FBXO3: variants seen among roughly 807,000 people sequenced by gnomAD.
FBXO3 encodes F-box only protein 3.
FBXO3 carries 17 observed loss-of-function variants against 64.8 expected under a neutral mutation model. The observed-to-expected ratio is 0.26, with a 90% CI of 0.18 to 0.39. The LOEUF (loss-of-function observed/expected upper bound fraction) is 0.39, where lower values mean the gene tolerates loss of function less well. Ranked by LOEUF, FBXO3 falls within the 10% of genes least tolerant of loss-of-function variation. The pLI, the probability that FBXO3 is intolerant of heterozygous loss-of-function variation, is 1.00. For synonymous variants in FBXO3, 182 were observed against 201.6 expected, an observed-to-expected ratio of 0.90 and a Z score of 0.82; for missense variants, 420 against 589.9, an observed-to-expected ratio of 0.71 and a Z score of 2.98.
At chr11:33,769,860 T>TTG (rs1855469439) in intron 2 of FBXO3, among the ~76,000 whole-genome samples, 1 of 150,196 alleles carries the variant, frequency 6.7e-6, no homozygotes, top group Admixed American at 6.6e-5. Context: ...GTGGGTTTTT[T>TTG]TTTTTTTTTT....
intron 7 of FBXO3, among the ~76,000 whole-genome samples, chr11:33,750,953 C>T (rs888177271): frequency 1.3e-5 from 2 of 152,098 alleles, no homozygotes; most frequent in Non-Finnish European, 2.9e-5. Context: ...GTTTCCAGGG[C>T]TAAGGAAACT....
chr11:33,761,413 CT>C (rs1855238486), intron 3 of FBXO3, among the ~76,000 whole-genome samples: 1 of 152,122 alleles, frequency 6.6e-6, no homozygotes, highest in Non-Finnish European at 1.5e-5. Context: ...TGAAATGAGA[CT>C]TTAAGGCAAA....
intron 5 of FBXO3, 141 bp from the exon 6 acceptor site, chr11:33,754,641 A>G: frequency 1.6e-6 from 1 of 623,612 alleles, no homozygotes. Flanking sequence ...TTGTTATCCT[A>G]GAAGAAAGGG....
chr11:33,750,007 C>T (rs1230279239), intron 8 of FBXO3, among the ~76,000 whole-genome samples: 1 of 151,764 alleles, frequency 6.6e-6, no homozygotes, highest in Non-Finnish European at 1.5e-5. Flanking sequence ...TTTTAAAGCA[C>T]AGTATCCTTA....
intron 3 of FBXO3, among the ~76,000 whole-genome samples, chr11:33,763,447 A>C (rs1855289851): frequency 6.6e-6 from 1 of 152,176 alleles, no homozygotes; most frequent in Non-Finnish European, 1.5e-5. Flanking sequence ...AAGTTGGTTT[A>C]GCATTCAGAA....
intron 1 of FBXO3, chr11:33,771,493 T>C (rs1855510432): frequency 1.3e-5 from 2 of 152,212 alleles, no homozygotes; most frequent in African/African-American, 4.8e-5. Context: ...TGCAATCCTG[T>C]AAATTCTACC....
At chr11:33,751,051 A>G (rs1854943490) in intron 7 of FBXO3, among the ~76,000 whole-genome samples, 1 of 152,202 alleles carries the variant, frequency 6.6e-6, no homozygotes, top group Non-Finnish European at 1.5e-5. Flanking sequence ...CTGTTCTCAG[A>G]AGCCTCTAAT....
At chr11:33,757,515 TAA>T (rs35494216) in intron 4 of FBXO3, among the ~76,000 whole-genome samples, 6 of 97,352 alleles carry the variant, frequency 6.2e-5, no homozygotes, top group African/African-American at 1.4e-4. Flanking sequence ...AAACAAATCT[TAA>T]AAAAAAAAAA....
chr11:33,754,383 T>A (rs1855037483), intron 6 of FBXO3, 72 bp downstream of exon 6: 1 of 1,350,800 alleles, frequency 7.4e-7, no homozygotes, highest in Non-Finnish European at 1.0e-6. Flanking sequence ...TGAAAAAGTT[T>A]TTACCATTTT....
At chr11:33,758,379 C>T (rs115155107) in intron 4 of FBXO3, 108 bp downstream of exon 4, 836 of 663,162 alleles carry the variant, frequency 1.3e-3, no homozygotes, top group African/African-American at 3.6e-3. Flanking sequence ...AGAGGGAATT[C>T]CCATGCTTCT....
chr11:33,752,054 A>G (rs1352057213), intron 6 of FBXO3, among the ~76,000 whole-genome samples: 1 of 152,194 alleles, frequency 6.6e-6, no homozygotes, highest in Non-Finnish European at 1.5e-5. Context: ...CAAGCACAAA[A>G]TTTTGGCAGA....
chr11:33,770,506 A>G (rs1855485152), intron 2 of FBXO3, among the ~76,000 whole-genome samples: 1 of 152,240 alleles, frequency 6.6e-6, no homozygotes, highest in South Asian at 2.1e-4. Context: ...GGGAGTTAGG[A>G]GCATGCAGAT....
intron 4 of FBXO3, among the ~76,000 whole-genome samples, chr11:33,757,678 A>AAAAAAAAAAAAAAAC (rs1251528490): frequency 7.0e-6 from 1 of 143,166 alleles, no homozygotes; most frequent in Non-Finnish European, 1.5e-5. Flanking sequence ...AAAAAAAAAA[A>AAAAAAAAAAAAAAAC]AAAGTCTGGG....
intron 3 of FBXO3, among the ~76,000 whole-genome samples, chr11:33,759,364 A>C (rs923283849): frequency 6.6e-6 from 1 of 152,210 alleles, no homozygotes; most frequent in Non-Finnish European, 1.5e-5. Flanking sequence ...CAAGAAGCTG[A>C]GCAAAGCTTT....
chr11:33,757,194 T>C, intron 4 of FBXO3: 1 of 419,802 alleles, frequency 2.4e-6, no homozygotes, highest in Non-Finnish European at 4.7e-6. Flanking sequence ...TCTCCTTAAA[T>C]TCTTATTAGC....
In FBXO3 at chr11:33,770,796, A is replaced by G. The variant is rs751693175; in HGVS notation, c.139T>C (p.Ser47Pro). The G allele has an allele frequency of 2.4e-5, 38 of 1,610,618 alleles. No individual in the cohort carries two copies. The highest frequency in any genetic ancestry group is 3.2e-5 in the Non-Finnish European group (38 of 1,177,496). ...CTTCTCCACAGCGGATCATGACTTG[A>G]TAGCTGGCTAAGTCTTCGACTGACA... is the stretch of plus-strand genomic sequence containing the variant. ...CYVSRRLSQL[S>P]SHDPLWRRHC... Residue 47 changes from serine to proline, a missense_variant, in exon 2 of 11, where the codon TCA becomes CCA. Physicochemically the swap from Ser to Pro is moderately conservative, Grantham distance 74. Coordinates refer to ENST00000265651, the MANE Select transcript of FBXO3 (RefSeq NM_012175.4).
intron 9 of FBXO3, among the ~76,000 whole-genome samples, chr11:33,747,586 A>C (rs1206458345): frequency 1.3e-5 from 2 of 150,292 alleles, no homozygotes; most frequent in Non-Finnish European, 3.0e-5. Flanking sequence ...ATCTCAGCTC[A>C]CTGCAAACTC....
Position 33,767,971 on chromosome 11 carries a change from T to C in FBXO3, c.358+880A>G, listed in dbSNP as rs143377794. 1.7e-3 allele frequency among the ~76,000 whole-genome samples: 253 copies of C among 152,356 alleles called. 1 individual carries two copies. Among genetic ancestry groups the C allele is most frequent in the Middle Eastern group, 6.8e-3 (2 of 294 alleles). On this transcript the variant is annotated intron_variant, in intron 3 of 10. Coordinates refer to ENST00000265651, the MANE Select transcript of FBXO3 (RefSeq NM_012175.4). ...CAATTCAGTTTCAAGCACCTCGTCA[T>C]GCAACCGTGATTTGTATGAAAGTAA...
chr11:33,751,218 C>A (rs559721061), intron 7 of FBXO3, among the ~76,000 whole-genome samples: 65 of 152,166 alleles, frequency 4.3e-4, no homozygotes, highest in Middle Eastern at 3.4e-3. Flanking sequence ...CTATCAGTTG[C>A]CAAATAACTT....
Sources: allele counts gnomAD v4.1 joint callset (sites outside exome capture counted in the v4.1 genomes callset), GRCh38; gene constraint gnomAD v4.1.1; transcripts MANE v1.5; gene names NCBI Gene and HGNC (gene_info 2026-07-23, HGNC 2026-07-21).